ZDHHC17: variants seen among roughly 807,000 people sequenced by gnomAD.
ZDHHC17 encodes palmitoyltransferase ZDHHC17.
In ZDHHC17, 40 loss-of-function variants were observed where a neutral mutation model predicts 90.3. The ratio of observed to expected loss-of-function variants is 0.44; its 90% CI spans 0.34 to 0.58. The LOEUF (loss-of-function observed/expected upper bound fraction) is 0.58, where lower values mean the gene tolerates loss of function less well. Ranked by LOEUF, ZDHHC17 falls within the 20% of genes least tolerant of loss-of-function variation. ZDHHC17 has a pLI of 0.01. For synonymous variants in ZDHHC17, 235 were observed against 252.4 expected (o/e 0.93, Z 0.65); for missense variants, 614 against 780.8 (o/e 0.79, Z 2.55).
intron 5 of ZDHHC17, among the ~76,000 whole-genome samples, chr12:76,812,842 C>G (rs1003395685): frequency 6.6e-6 from 1 of 151,936 alleles, no homozygotes; most frequent in African/African-American, 2.4e-5. Context: ...ACTACCAATT[C>G]TTTTGGATGA....
In ZDHHC17 at chr12:76,818,668, A is replaced by G. The variant is rs575238403; in HGVS notation, c.771+2649A>G. Among the ~76,000 whole-genome samples, 15 of 152,326 alleles carry G rather than the reference A, an allele frequency of 9.8e-5. No homozygotes were observed. In the East Asian group the frequency reaches 2.9e-3, roughly 29 times the overall value. On this transcript the variant is annotated intron_variant, in intron 7 of 16. Coordinates refer to ENST00000426126, the MANE Select transcript of ZDHHC17 (RefSeq NM_015336.4). Reference sequence around the variant, plus strand: ...GAGGAACATGCAAGTGCACGGTCCTAAACAGGAGTAAGATTGCAGTATTTG... The same window carrying G: ...GAGGAACATGCAAGTGCACGGTCCTGAACAGGAGTAAGATTGCAGTATTTG...
intron 7 of ZDHHC17, chr12:76,821,139 T>C (rs946182608): frequency 1.6e-6 from 2 of 1,283,514 alleles, no homozygotes; most frequent in Non-Finnish European, 2.0e-6. Context: ...TCCCGGGGAG[T>C]TGTTACCCAA....
At position 76,849,369 on chromosome 12, in the gene ZDHHC17, CT is replaced by C; in HGVS notation, c.1666-6del. ...AGAATAATGGTTTGCTTTTTCTTTC[CT>C]CTTAGATATCATGTTTAGGTATTAC... is the stretch of plus-strand genomic sequence containing the variant. On this transcript the variant is annotated splice_region_variant and splice_polypyrimidine_tract_variant and intron_variant, in intron 15 of 16. Coordinates refer to ENST00000426126, the MANE Select transcript of ZDHHC17 (RefSeq NM_015336.4). 1 of 1,247,220 alleles carries C rather than the reference CT, an allele frequency of 8.0e-7. No homozygotes were observed. Among genetic ancestry groups the C allele is most frequent in the South Asian group, 1.4e-5 (1 of 69,292 alleles). 77.3% of individuals were successfully genotyped at this position (1,247,220 alleles called of 1,614,324 possible).
chr12:76,827,846 C>G (rs1440061712), intron 9 of ZDHHC17, among the ~76,000 whole-genome samples: 1 of 152,016 alleles, frequency 6.6e-6, no homozygotes, highest in Admixed American at 6.5e-5. Context: ...TGATTCTGTT[C>G]ATGTTTAATA....
chr12:76,803,922 A>G (rs1289053034), intron 2 of ZDHHC17, among the ~76,000 whole-genome samples: 1 of 152,208 alleles, frequency 6.6e-6, no homozygotes. Context: ...GTTAAATGCC[A>G]TCAGCCGAAT....
intron 1 of ZDHHC17, among the ~76,000 whole-genome samples, chr12:76,795,902 G>A (rs185820889): frequency 2.0e-5 from 3 of 151,818 alleles, no homozygotes; most frequent in Non-Finnish European, 2.9e-5. Flanking sequence ...TTCTAATGTG[G>A]GTATATAATT....
chr12:76,833,531 G>T (rs7132197), intron 10 of ZDHHC17, among the ~76,000 whole-genome samples: 1 of 152,186 alleles, frequency 6.6e-6, no homozygotes, highest in African/African-American at 2.4e-5. Flanking sequence ...GGTGGCTCAC[G>T]CCTGTAATCC....
intron 9 of ZDHHC17, among the ~76,000 whole-genome samples, chr12:76,827,716 A>T (rs1167763510): frequency 6.6e-6 from 1 of 152,104 alleles, no homozygotes; most frequent in Non-Finnish European, 1.5e-5. Context: ...GATGAGAATG[A>T]CTAGTATTAT....
intron 1 of ZDHHC17, among the ~76,000 whole-genome samples, chr12:76,776,901 T>A (rs1356679469): frequency 6.6e-6 from 1 of 152,224 alleles, no homozygotes. Flanking sequence ...TTATGATAAA[T>A]TGTGCACATT....
chr12:76,838,067 G>A (rs1198290264), intron 10 of ZDHHC17, among the ~76,000 whole-genome samples: 5 of 151,700 alleles, frequency 3.3e-5, no homozygotes, highest in African/African-American at 1.2e-4. Context: ...TTGTATAATG[G>A]TTTTTGTTTG....
At chr12:76,836,964 T>C (rs1953372435) in intron 10 of ZDHHC17, among the ~76,000 whole-genome samples, 1 of 152,222 alleles carries the variant, frequency 6.6e-6, no homozygotes, top group Non-Finnish European at 1.5e-5. Context: ...AAATAATTTA[T>C]GGCCTTGAAT....
At chr12:76,774,350 A>G (rs555866095) in intron 1 of ZDHHC17, among the ~76,000 whole-genome samples, 15 of 151,956 alleles carry the variant, frequency 9.9e-5, no homozygotes, top group Admixed American at 3.3e-4. Flanking sequence ...ACACACACAC[A>G]CGCCCCCCCA....
At chr12:76,788,998 G>A (rs1198838639) in intron 1 of ZDHHC17, among the ~76,000 whole-genome samples, 2 of 152,190 alleles carry the variant, frequency 1.3e-5, no homozygotes, top group East Asian at 3.9e-4. Flanking sequence ...TGCCCAGCAA[G>A]TCTTTCTTAC....
At chr12:76,830,096 T>A (rs1953281854) in intron 10 of ZDHHC17, among the ~76,000 whole-genome samples, 1 of 152,242 alleles carries the variant, frequency 6.6e-6, no homozygotes, top group African/African-American at 2.4e-5. Flanking sequence ...TAGAAAAAGT[T>A]CAGTCAGCAA....
intron 1 of ZDHHC17, among the ~76,000 whole-genome samples, chr12:76,790,749 C>T (rs1163499524): frequency 1.3e-5 from 2 of 152,114 alleles, no homozygotes; most frequent in African/African-American, 4.8e-5. Context: ...CTCATGTTCT[C>T]ACCCATACAT....
intron 10 of ZDHHC17, among the ~76,000 whole-genome samples, chr12:76,837,231 G>A (rs932032236): frequency 2.0e-5 from 3 of 152,108 alleles, no homozygotes; most frequent in Admixed American, 1.3e-4. Context: ...TGCCTCCCAG[G>A]TTCAGGTGGC....
At chr12:76,794,118 C>G (rs1457560899) in intron 1 of ZDHHC17, among the ~76,000 whole-genome samples, 1 of 152,110 alleles carries the variant, frequency 6.6e-6, no homozygotes, top group East Asian at 1.9e-4. Flanking sequence ...ACCTCCTGAC[C>G]TTGTGATCCA....
chr12:76,764,232 C>T lies in ZDHHC17; in HGVS notation c.-5C>T. The T allele has an allele frequency of 6.3e-7, 1 of 1,593,980 alleles. No individual in the cohort carries two copies. The highest frequency in any genetic ancestry group is 2.3e-5 in the East Asian group (1 of 43,782). On this transcript the variant is annotated 5_prime_UTR_variant, in exon 1 of 17. Transcript: ENST00000426126. ...CCCCGGGAGGGTGAAACGCTTTCTC[C>T]CAGCATGCAGCGGGAGGAGGGATTT...
At chr12:76,766,392 C>T (rs1003665095) in intron 1 of ZDHHC17, among the ~76,000 whole-genome samples, 1 of 152,112 alleles carries the variant, frequency 6.6e-6, no homozygotes, top group Non-Finnish European at 1.5e-5. Context: ...CTGCTGCCTC[C>T]TAGCAGTGTG....
Sources: allele counts gnomAD v4.1 joint callset (sites outside exome capture counted in the v4.1 genomes callset), GRCh38; gene constraint gnomAD v4.1.1; transcripts MANE v1.5; gene names NCBI Gene and HGNC (gene_info 2026-07-23, HGNC 2026-07-21).